The following C12orf54 variants were observed in gnomAD, a reference collection of about 807,000 sequenced individuals.
The protein encoded by C12orf54 is uncharacterized protein C12orf54.
Under a neutral mutation model 26.4 loss-of-function variants are expected in C12orf54, and 24 were observed. That is an observed-to-expected ratio of 0.91 (90% CI 0.66 to 1.28). C12orf54 has a LOEUF of 1.28. C12orf54 is among the 50% of genes most tolerant of loss of function. The probability of loss-of-function intolerance (pLI) is 0.00; values close to 1 mark genes in which losing one functional copy is unlikely to be tolerated. For missense variants in C12orf54, 154 were observed against 150.9 expected (o/e 1.02, Z -0.11); for synonymous variants, 54 against 47.0 (o/e 1.15, Z -0.61).
the C12orf54 span, among the ~76,000 whole-genome samples, chr12:48,459,596 A>T: frequency 6.6e-6 from 1 of 152,156 alleles, no homozygotes; most frequent in Non-Finnish European, 1.5e-5. Context: ...CTGAAATTTA[A>T]AGGTTGTGTC....
the C12orf54 span, among the ~76,000 whole-genome samples, chr12:48,431,314 A>G: frequency 3.3e-5 from 5 of 152,304 alleles, no homozygotes; most frequent in South Asian, 6.2e-4. Flanking sequence ...GTAAAAAAGA[A>G]TGTATATTAA....
rs755778829 is a variant in C12orf54 at position 48,494,901 on chromosome 12, C to G, written c.346C>G (p.Gln116Glu). ...SGGRIHNLKT[Q>E]LFSQSAYYPG... ...AGGCCGTATCCACAACCTGAAGACACAGCTCTTCAGTCAATCAGCTTACTA... is the reference window on the plus strand; with the variant it reads ...AGGCCGTATCCACAACCTGAAGACAGAGCTCTTCAGTCAATCAGCTTACTA... The change falls in exon 8 of 9, where the codon CAG becomes GAG. Residue 116 changes from glutamine to glutamate, a missense_variant. Gln to Glu is a conservative substitution (Grantham distance 29, BLOSUM62 2). Transcript: ENST00000548364. The G allele has an allele frequency of 6.2e-7, 1 of 1,612,956 alleles. No individual in the cohort carries two copies. Among genetic ancestry groups the G allele is most frequent in the Non-Finnish European group, 8.5e-7 (1 of 1,178,832 alleles).
the C12orf54 span, among the ~76,000 whole-genome samples, chr12:48,461,609 A>AGACT: frequency 6.6e-6 from 1 of 151,652 alleles, no homozygotes; most frequent in Admixed American, 6.6e-5. Flanking sequence ...CAAAATTTGG[A>AGACT]AACTAACGTA....
the C12orf54 span, among the ~76,000 whole-genome samples, chr12:48,439,511 A>G: frequency 1.8e-4 from 28 of 152,316 alleles, no homozygotes; most frequent in East Asian, 7.7e-4. Context: ...ATGTCCAACA[A>G]TGATAGACTG....
the C12orf54 span, among the ~76,000 whole-genome samples, chr12:48,448,296 TC>T: frequency 5.9e-5 from 9 of 152,214 alleles, no homozygotes; most frequent in Non-Finnish European, 1.3e-4. Flanking sequence ...TGAATATATT[TC>T]CCCATGTATG....
chr12:48,468,153 T>TTGTCCTA, the C12orf54 span, among the ~76,000 whole-genome samples: 2 of 152,202 alleles, frequency 1.3e-5, no homozygotes, highest in Non-Finnish European at 2.9e-5. Context: ...CTATTAGGTA[T>TTGTCCTA]TTATAATGTC....
At chr12:48,464,865 T>A in the C12orf54 span, among the ~76,000 whole-genome samples, 1 of 152,136 alleles carries the variant, frequency 6.6e-6, no homozygotes, top group South Asian at 2.1e-4. Context: ...TGGCTAGTCA[T>A]ATGCAGAAGA....
chr12:48,434,856 C>T, the C12orf54 span, among the ~76,000 whole-genome samples: 1 of 152,192 alleles, frequency 6.6e-6, no homozygotes, highest in African/African-American at 2.4e-5. Flanking sequence ...CCGAGCACCT[C>T]TCCCCCTCCA....
chr12:48,483,732 G>T (rs560151863), intron 2 of C12orf54, among the ~76,000 whole-genome samples: 4 of 152,182 alleles, frequency 2.6e-5, no homozygotes, highest in Non-Finnish European at 4.4e-5. Context: ...GGAAAAGAGG[G>T]CTAGAATCTG....
the C12orf54 span, among the ~76,000 whole-genome samples, chr12:48,435,290 G>C: frequency 1.3e-5 from 2 of 152,234 alleles, no homozygotes; most frequent in African/African-American, 4.8e-5. Context: ...TCTGACTGGT[G>C]TACCTGAAAC....
At chr12:48,435,026 G>A in the C12orf54 span, among the ~76,000 whole-genome samples, 4 of 152,236 alleles carry the variant, frequency 2.6e-5, no homozygotes, top group Non-Finnish European at 5.9e-5. Flanking sequence ...AAAATTAGAC[G>A]AGTGGATAAC....
At chr12:48,473,066 G>T in the C12orf54 span, 1 of 1,614,052 alleles carries the variant, frequency 6.2e-7, no homozygotes. Flanking sequence ...ACTGAGAAAA[G>T]ATGTTCAAGC....
At chr12:48,481,210 TAAAAA>T (rs66958027), upstream of C12orf54, among the ~76,000 whole-genome samples, 170 of 151,160 alleles carry the variant, frequency 1.1e-3, 1 homozygote, top group East Asian at 3.9e-3. Context: ...GTTTTTTTTT[TAAAAA>T]AAATGACTTT....
At chr12:48,419,904 A>G in the C12orf54 span, among the ~76,000 whole-genome samples, 17 of 152,308 alleles carry the variant, frequency 1.1e-4, no homozygotes, top group Middle Eastern at 3.4e-3. Context: ...AAAAAGAAAT[A>G]TATTAGCTCG....
At chr12:48,438,370 C>A in the C12orf54 span, among the ~76,000 whole-genome samples, 1 of 152,312 alleles carries the variant, frequency 6.6e-6, no homozygotes, top group African/African-American at 2.4e-5. Context: ...ATCAAGCTAC[C>A]AATGACTTTC....
the C12orf54 span, among the ~76,000 whole-genome samples, chr12:48,451,220 T>C: frequency 1.3e-5 from 2 of 151,702 alleles, no homozygotes; most frequent in African/African-American, 4.8e-5. Context: ...TAAAGAGAAT[T>C]AAGACAAAAA....
chr12:48,487,946 A>T (rs1271832856), intron 4 of C12orf54: 3 of 684,454 alleles, frequency 4.4e-6, no homozygotes, highest in Non-Finnish European at 7.9e-6. Flanking sequence ...AGCCGCTGAG[A>T]TGTTGATACC....
chr12:48,463,048 A>G, the C12orf54 span, among the ~76,000 whole-genome samples: 1 of 151,970 alleles, frequency 6.6e-6, no homozygotes, highest in Non-Finnish European at 1.5e-5. Flanking sequence ...AGGTTGCAGA[A>G]TAGAAAATTC....
chr12:48,435,951 G>A, the C12orf54 span, among the ~76,000 whole-genome samples: 1 of 152,046 alleles, frequency 6.6e-6, no homozygotes, highest in African/African-American at 2.4e-5. Context: ...CCAATTAAAG[G>A]GCACAGACTG....
Sources: gnomAD v4.1 joint callset for allele counts (sites outside exome capture counted in the v4.1 genomes callset) on GRCh38, gnomAD v4.1.1 for gene constraint, MANE v1.5 for transcripts, NCBI Gene and HGNC (gene_info 2026-07-23, HGNC 2026-07-21) for gene names.